The following GRIK4 variants were observed in gnomAD, a reference collection of about 807,000 sequenced individuals.
GRIK4 encodes glutamate ionotropic receptor kainate type subunit 4.
In GRIK4, 40 loss-of-function variants were observed where a neutral mutation model predicts 104.9. That is an observed-to-expected ratio of 0.38 (90% CI 0.30 to 0.50). GRIK4 has a LOEUF of 0.50. Ranked by LOEUF, GRIK4 falls within the 20% of genes least tolerant of loss-of-function variation. The pLI, the probability that GRIK4 is intolerant of heterozygous loss-of-function variation, is 0.93. For synonymous variants in GRIK4, 485 were observed against 524.9 expected (o/e 0.92, Z 1.04); for missense variants, 1,047 against 1,308.1 (o/e 0.80, Z 3.08).
intron 3 of GRIK4, among the ~76,000 whole-genome samples, chr11:120,711,018 T>G (rs1950725900): frequency 6.9e-6 from 1 of 144,810 alleles, no homozygotes; most frequent in South Asian, 2.2e-4. Context: ...TGTGAGCAGC[T>G]GCAGGGCCCT....
intron 4 of GRIK4, among the ~76,000 whole-genome samples, chr11:120,811,823 C>G (rs1952834896): frequency 6.6e-6 from 1 of 152,108 alleles, no homozygotes; most frequent in South Asian, 2.1e-4. Flanking sequence ...TACTTATTCC[C>G]TTATGATTAT....
intron 3 of GRIK4, among the ~76,000 whole-genome samples, chr11:120,723,689 G>T (rs1234223544): frequency 2.0e-5 from 3 of 152,092 alleles, no homozygotes; most frequent in Non-Finnish European, 4.4e-5. Context: ...CTAAAACAGG[G>T]CCAGTTAGTG....
At chr11:120,638,483 CT>C (rs34177486) in intron 1 of GRIK4, among the ~76,000 whole-genome samples, 87,411 of 146,438 alleles carry the variant, frequency 0.6, 25,735 homozygotes, top group Admixed American at 0.62. Context: ...TCTTCTTTTG[CT>C]TTTTTTTTTT....
In GRIK4 at chr11:120,952,782, C is replaced by A. The variant is rs1010145233; in HGVS notation, c.1591-73C>A. 1 of 1,017,318 alleles carries A rather than the reference C, an allele frequency of 9.8e-7. No individual in the cohort carries two copies. Among genetic ancestry groups the A allele is most frequent in the Non-Finnish European group, 1.6e-6 (1 of 636,452 alleles). 63.0% of individuals were successfully genotyped at this position (1,017,318 alleles called of 1,614,324 possible). ...AGACCCACACTCACTACCTCCTCTA[C>A]CCCGCCCTGCCTGCCCCAAGGTCAT... On this transcript the variant is annotated intron_variant, in intron 14 of 20. Transcript: ENST00000527524. The surrounding 1 kb of genome is among the most constrained non-coding windows in gnomAD (Gnocchi z 5.2).
chr11:120,643,404 C>T (rs1949496247), intron 1 of GRIK4, among the ~76,000 whole-genome samples: 2 of 152,146 alleles, frequency 1.3e-5, no homozygotes, highest in South Asian at 4.1e-4. Flanking sequence ...GCAGGGTGTG[C>T]CTGAGGCACC....
intron 3 of GRIK4, among the ~76,000 whole-genome samples, chr11:120,721,203 G>A (rs1301805600): frequency 1.3e-5 from 2 of 152,142 alleles, no homozygotes; most frequent in Non-Finnish European, 2.9e-5. Context: ...ACAGCATTTT[G>A]GAGCAGGTGA....
chr11:120,699,884 C>T (rs916739809), intron 3 of GRIK4, among the ~76,000 whole-genome samples: 2 of 152,096 alleles, frequency 1.3e-5, no homozygotes, highest in Admixed American at 6.5e-5. Context: ...CAGCAAGGGC[C>T]GCAGCAGCAG....
intron 1 of GRIK4, among the ~76,000 whole-genome samples, chr11:120,615,621 C>A (rs1053876397): frequency 3.3e-5 from 5 of 152,158 alleles, no homozygotes; most frequent in Non-Finnish European, 7.4e-5. Context: ...TCCCAGGGAG[C>A]CCCTAGAGAC....
At chr11:120,852,906 A>G (rs1440499897) in intron 8 of GRIK4, among the ~76,000 whole-genome samples, 7 of 152,174 alleles carry the variant, frequency 4.6e-5, no homozygotes, top group African/African-American at 1.7e-4. Context: ...AGCTATGAAG[A>G]AGAGCCTTGG....
chr11:120,861,159 A>ATT (rs1954254762), intron 8 of GRIK4, among the ~76,000 whole-genome samples: 1 of 125,406 alleles, frequency 8.0e-6, no homozygotes, highest in African/African-American at 3.1e-5. Flanking sequence ...CCCAGGCTGG[A>ATT]GTGCAATGGC....
At chr11:120,519,883 T>G (rs1468794022) in intron 1 of GRIK4, among the ~76,000 whole-genome samples, 3 of 149,584 alleles carry the variant, frequency 2.0e-5, no homozygotes, top group Non-Finnish European at 4.4e-5. Flanking sequence ...TTTTTTTGTT[T>G]TTTTTTTTGT....
chr11:120,598,061 A>T (rs987664322), intron 1 of GRIK4, among the ~76,000 whole-genome samples: 7 of 152,282 alleles, frequency 4.6e-5, no homozygotes, highest in African/African-American at 1.4e-4. Context: ...TTAACAACAG[A>T]CTTCCCCTCC....
chr11:120,787,861 T>TTC (rs1279729616), intron 3 of GRIK4, among the ~76,000 whole-genome samples: 1 of 23,774 alleles, frequency 4.2e-5, no homozygotes, highest in Non-Finnish European at 9.9e-5. Context: ...TCTTTTTTTT[T>TTC]TTTTTTTTTT....
rs1943669768 is a variant in GRIK4 at position 120,939,424 on chromosome 11, T to C, written c.1477-923T>C. Among the ~76,000 whole-genome samples, 1 of 152,216 alleles carries C rather than the reference T, an allele frequency of 6.6e-6. No individual in the cohort carries two copies. Among genetic ancestry groups the C allele is most frequent in the South Asian group, 2.1e-4 (1 of 4,828 alleles). ...GGGTCTGCTAATGACATCTGAAGTT[T>C]CACCTGGACAGCGACATAAGTGGCC... On this transcript the variant is annotated intron_variant, in intron 13 of 20. Coordinates refer to ENST00000527524, the MANE Select transcript of GRIK4 (RefSeq NM_014619.5). This position sits in a 1 kb window ranked among gnomAD's most constrained non-coding sequence, Gnocchi z 5.6.
intron 4 of GRIK4, among the ~76,000 whole-genome samples, chr11:120,804,963 C>T (rs559778555): frequency 6.6e-6 from 1 of 152,314 alleles, no homozygotes; most frequent in East Asian, 1.9e-4. Context: ...CAGATTCCTC[C>T]CCAAGAAGGC....
intron 1 of GRIK4, among the ~76,000 whole-genome samples, chr11:120,605,250 C>T (rs560428991): frequency 6.6e-6 from 1 of 152,152 alleles, no homozygotes; most frequent in East Asian, 1.9e-4. Flanking sequence ...AATATCAAAA[C>T]GAGTATTTGA....
At chr11:120,706,554 G>A (rs1023796871) in intron 3 of GRIK4, among the ~76,000 whole-genome samples, 1 of 152,168 alleles carries the variant, frequency 6.6e-6, no homozygotes, top group African/African-American at 2.4e-5. Flanking sequence ...GGACTTCCAG[G>A]TGAGGGGCTG....
chr11:120,674,887 C>G (rs566030357), intron 3 of GRIK4, among the ~76,000 whole-genome samples: 2 of 152,324 alleles, frequency 1.3e-5, no homozygotes, highest in Non-Finnish European at 2.9e-5. Flanking sequence ...TGGGCAGCCA[C>G]CCAGAAATCT....
At chr11:120,605,404 G>C (rs2135137622) in intron 1 of GRIK4, among the ~76,000 whole-genome samples, 1 of 152,300 alleles carries the variant, frequency 6.6e-6, no homozygotes, top group Middle Eastern at 3.4e-3. Context: ...AAATCTCTCT[G>C]AGCCTCATTT....
Sources: gnomAD v4.1 joint callset for allele counts (sites outside exome capture counted in the v4.1 genomes callset) on GRCh38, gnomAD v4.1.1 for gene constraint, Gnocchi (gnomAD v3.1) non-coding constraint, MANE v1.5 for transcripts, NCBI Gene and HGNC (gene_info 2026-07-23, HGNC 2026-07-21) for gene names.